SAMD12: variants seen among roughly 807,000 people sequenced by gnomAD.
The protein encoded by SAMD12 is sterile alpha motif domain containing 12.
In SAMD12, 9 loss-of-function variants were observed where a neutral mutation model predicts 15.0. The observed-to-expected ratio is 0.60, with a 90% CI of 0.36 to 1.05. SAMD12 has a LOEUF of 1.05. Ranked by LOEUF, SAMD12 falls within the 50% of genes least tolerant of loss-of-function variation. The probability of loss-of-function intolerance (pLI) is 0.01; values close to 1 mark genes in which losing one functional copy is unlikely to be tolerated. For missense variants in SAMD12, 230 were observed against 234.2 expected (o/e 0.98, Z 0.12); for synonymous variants, 86 against 90.1 (o/e 0.96, Z 0.25).
chr8:118,385,282 T>C (rs1369291332), intron 3 of SAMD12, among the ~76,000 whole-genome samples: 1 of 152,200 alleles, frequency 6.6e-6, no homozygotes, highest in African/African-American at 2.4e-5. Flanking sequence ...GGGCCTCATC[T>C]AAGCAGTTGA....
At chr8:118,427,370 C>T (rs879648983) in intron 3 of SAMD12, among the ~76,000 whole-genome samples, 3 of 152,096 alleles carry the variant, frequency 2.0e-5, no homozygotes, top group Non-Finnish European at 4.4e-5. Context: ...TACAATAAAT[C>T]CCACATATTT....
chr8:118,319,797 C>A (rs6469733), intron 4 of SAMD12, among the ~76,000 whole-genome samples: 74,408 of 152,002 alleles, frequency 0.49, 20,659 homozygotes, highest in African/African-American at 0.77. Flanking sequence ...AGGAGAAAAG[C>A]GCAGGTTTGG....
intron 4 of SAMD12, among the ~76,000 whole-genome samples, chr8:118,329,457 A>C (rs1489237230): frequency 6.6e-6 from 1 of 152,206 alleles, no homozygotes; most frequent in African/African-American, 2.4e-5. Context: ...CAAGGAAACA[A>C]ACACCTGTCC....
chr8:118,523,974 G>A (rs1008894318), intron 2 of SAMD12, among the ~76,000 whole-genome samples: 4 of 151,980 alleles, frequency 2.6e-5, no homozygotes, highest in African/African-American at 7.3e-5. Flanking sequence ...CACTCTTTCC[G>A]CGTGTCCTCA....
chr8:118,438,008 A>G (rs1563859944), intron 3 of SAMD12, among the ~76,000 whole-genome samples: 1 of 152,240 alleles, frequency 6.6e-6, no homozygotes, highest in Non-Finnish European at 1.5e-5. Context: ...AGCAGCCATT[A>G]TCTGATGAAG....
chr8:118,381,931 G>T (rs894561956), intron 3 of SAMD12, among the ~76,000 whole-genome samples: 2 of 152,142 alleles, frequency 1.3e-5, no homozygotes, highest in African/African-American at 2.4e-5. Flanking sequence ...TCTGGCTGCT[G>T]GCACACACAA....
intron 2 of SAMD12, among the ~76,000 whole-genome samples, chr8:118,566,491 C>T (rs757374339): frequency 6.6e-6 from 1 of 152,164 alleles, no homozygotes; most frequent in Admixed American, 6.5e-5. Flanking sequence ...TCTTGCTCAA[C>T]ATAGTTTTTA....
chr8:118,185,764 A>G (rs2514737), downstream of SAMD12, among the ~76,000 whole-genome samples: 101,670 of 152,052 alleles, frequency 0.67, 34,081 homozygotes, highest in Middle Eastern at 0.73. Flanking sequence ...GCTGGTGAAA[A>G]GGCTGGGATG....
intron 4 of SAMD12, among the ~76,000 whole-genome samples, chr8:118,255,930 A>G (rs1812929200): frequency 6.6e-6 from 1 of 152,058 alleles, no homozygotes; most frequent in Non-Finnish European, 1.5e-5. Flanking sequence ...GAATCTCCAC[A>G]CTGACTTCCA....
the SAMD12 span, among the ~76,000 whole-genome samples, chr8:118,158,949 C>T: frequency 6.6e-6 from 1 of 152,220 alleles, no homozygotes; most frequent in South Asian, 2.1e-4. Flanking sequence ...CTTTGCCTTG[C>T]TCACCCTCCA....
chr8:118,164,388 C>T, the SAMD12 span, among the ~76,000 whole-genome samples: 1 of 152,086 alleles, frequency 6.6e-6, no homozygotes, highest in Non-Finnish European at 1.5e-5. Flanking sequence ...TGTCAAGGGT[C>T]GCCTCAAGCA....
Position 118,316,369 on chromosome 8 carries a change from CAA to C in SAMD12, c.433+63189_433+63190del, listed in dbSNP as rs71307444. On this transcript the variant is annotated intron_variant, in intron 4 of 4. Coordinates refer to the SAMD12 transcript ENST00000409003. ...TCAACATGGTGAAACCCCATGTCTACAAAAAAAAAAAAAAAATTAGCTAGGCA... is the reference window on the plus strand; with the variant it reads ...TCAACATGGTGAAACCCCATGTCTACAAAAAAAAAAAAAATTAGCTAGGCA... 7.5e-4 allele frequency among the ~76,000 whole-genome samples: 86 copies of C among 114,104 alleles called. 2 individuals carry two copies. The highest frequency in any genetic ancestry group is 1.3e-3 in the African/African-American group (35 of 26,524). The allele number at this position is 114,104 out of a possible 152,430, so 74.9% of individuals were successfully genotyped here. A position where few individuals can be genotyped will look rare whatever the true frequency, so the allele number is the denominator to read the frequency against.
intron 2 of SAMD12, among the ~76,000 whole-genome samples, chr8:118,558,756 A>G (rs1032276703): frequency 9.2e-5 from 14 of 151,962 alleles, no homozygotes; most frequent in African/African-American, 2.7e-4. Context: ...GACGGGTTTC[A>G]CTGTGTTAGC....
In SAMD12 at chr8:118,378,731, C is replaced by T; in HGVS notation, c.*686G>A. On this transcript the variant is annotated 3_prime_UTR_variant, in exon 4 of 4. Transcript: ENST00000314727. ...ATGTACAATGGACGCTAAAATAAAA[C>T]AAATAAAGTTTATAGCCAATGAAGG... 2.0e-6 allele frequency: 2 copies of T among 984,930 alleles called. No homozygotes were observed. The highest frequency in any genetic ancestry group is 2.4e-6 in the Non-Finnish European group (2 of 829,566). The allele number at this position is 984,930 out of a possible 1,614,324, so 61.0% of individuals were successfully genotyped here. A position where few individuals can be genotyped will look rare whatever the true frequency, so the allele number is the denominator to read the frequency against.
At chr8:118,174,162 C>T in the SAMD12 span, among the ~76,000 whole-genome samples, 3 of 152,136 alleles carry the variant, frequency 2.0e-5, no homozygotes, top group Non-Finnish European at 1.5e-5. Flanking sequence ...TTTACCTATC[C>T]TGTGGGATTG....
chr8:118,470,885 A>G (rs1390060058), intron 2 of SAMD12, among the ~76,000 whole-genome samples: 2 of 152,226 alleles, frequency 1.3e-5, no homozygotes, highest in African/African-American at 4.8e-5. Context: ...TTCATCTGAC[A>G]TAAGACAGTA....
chr8:118,451,470 ATCTC>A (rs1823079252), intron 2 of SAMD12, among the ~76,000 whole-genome samples: 1 of 152,286 alleles, frequency 6.6e-6, no homozygotes, highest in South Asian at 2.1e-4. Flanking sequence ...GGCAATGCTA[ATCTC>A]TCTGTCTCTC....
At chr8:118,371,300 G>T (rs942024880) in intron 4 of SAMD12, among the ~76,000 whole-genome samples, 49 of 152,152 alleles carry the variant, frequency 3.2e-4, no homozygotes, top group African/African-American at 9.2e-4. Flanking sequence ...GGCAATAGAA[G>T]TGGGAAGTTA....
At chr8:118,597,764 T>C (rs1292554911) in intron 1 of SAMD12, among the ~76,000 whole-genome samples, 1 of 152,182 alleles carries the variant, frequency 6.6e-6, no homozygotes, top group Non-Finnish European at 1.5e-5. Context: ...AGTGAAGACA[T>C]TTAAGTTGCT....
Sources: gnomAD v4.1 joint callset for allele counts (sites outside exome capture counted in the v4.1 genomes callset) on GRCh38, gnomAD v4.1.1 for gene constraint, MANE v1.5 for transcripts, NCBI Gene and HGNC (gene_info 2026-07-23, HGNC 2026-07-21) for gene names.